The following CALD1 variants were observed in gnomAD, a reference collection of about 807,000 sequenced individuals.
The protein encoded by CALD1 is caldesmon.
CALD1 carries 33 observed loss-of-function variants against 99.9 expected under a neutral mutation model. The observed-to-expected ratio is 0.33, with a 90% CI of 0.25 to 0.44. The LOEUF is 0.44. Among genes scored for constraint, CALD1 ranks in the 20% least tolerant of loss-of-function variants. CALD1 has a pLI of 1.00. For synonymous variants in CALD1, 310 were observed against 325.0 expected (o/e 0.95, Z 0.50); for missense variants, 861 against 962.1 (o/e 0.89, Z 1.39).
chr7:134,726,251 A>G, the CALD1 span, among the ~76,000 whole-genome samples: 1 of 150,540 alleles, frequency 6.6e-6, no homozygotes, highest in African/African-American at 2.4e-5. Context: ...TGATTCAGAA[A>G]AGACTCAGAT....
chr7:134,945,115 A>G (rs1311928665), intron 7 of CALD1, among the ~76,000 whole-genome samples: 3 of 152,220 alleles, frequency 2.0e-5, no homozygotes, highest in Non-Finnish European at 2.9e-5. Context: ...TGAAGTCTTA[A>G]TATGTTCCCA....
chr7:134,871,655 T>C (rs944945881), intron 3 of CALD1, among the ~76,000 whole-genome samples: 1 of 152,114 alleles, frequency 6.6e-6, no homozygotes, highest in Non-Finnish European at 1.5e-5. Context: ...CTGCAGACAG[T>C]GTGGGGGATG....
At chr7:134,728,407 AC>A in the CALD1 span, among the ~76,000 whole-genome samples, 1 of 152,236 alleles carries the variant, frequency 6.6e-6, no homozygotes, top group Non-Finnish European at 1.5e-5. Flanking sequence ...CTGCTTGGTT[AC>A]AGCTCAGCGT....
upstream of CALD1, among the ~76,000 whole-genome samples, chr7:134,742,423 C>T (rs1796600022): frequency 6.6e-6 from 1 of 152,216 alleles, no homozygotes; most frequent in Non-Finnish European, 1.5e-5. Context: ...CACCTTCCCT[C>T]TGTGGGATCC....
At chr7:134,715,908 T>A in the CALD1 span, among the ~76,000 whole-genome samples, 1 of 152,304 alleles carries the variant, frequency 6.6e-6, no homozygotes, top group Non-Finnish European at 1.5e-5. Context: ...GCAGTAAAAA[T>A]TTGCAAAATA....
intron 1 of CALD1, among the ~76,000 whole-genome samples, chr7:134,822,245 TTC>T (rs1373731948): frequency 2.0e-5 from 3 of 152,026 alleles, no homozygotes; most frequent in Non-Finnish European, 4.4e-5. Context: ...TTCTAGAATT[TTC>T]TGTTTCATGA....
At chr7:134,940,049 A>G (rs1367875033) in intron 6 of CALD1, among the ~76,000 whole-genome samples, 1 of 152,184 alleles carries the variant, frequency 6.6e-6, no homozygotes, top group Non-Finnish European at 1.5e-5. Context: ...AGGTCAGGAT[A>G]GAACCTCCTA....
intron 3 of CALD1, among the ~76,000 whole-genome samples, chr7:134,892,389 C>T (rs1215308038): frequency 6.6e-6 from 1 of 152,206 alleles, no homozygotes; most frequent in African/African-American, 2.4e-5. Context: ...CGTTTTCACA[C>T]TGGTGTTTAT....
chr7:134,850,444 A>G (rs1309762063), intron 2 of CALD1, among the ~76,000 whole-genome samples: 1 of 152,224 alleles, frequency 6.6e-6, no homozygotes, highest in African/African-American at 2.4e-5. Context: ...CCTTGGGCCA[A>G]TGACTCACCT....
Position 134,968,783 on chromosome 7 carries a change from T to C in CALD1, c.*438T>C. 2 of 224,064 alleles carry C rather than the reference T, an allele frequency of 8.9e-6. No homozygotes were observed. Among genetic ancestry groups the C allele is most frequent in the South Asian group, 1.4e-4 (2 of 14,380 alleles). 13.9% of individuals were successfully genotyped at this position (224,064 alleles called of 1,614,324 possible). A position where few individuals can be genotyped will look rare whatever the true frequency, so the allele number is the denominator to read the frequency against. ...CTTTATAATAAAGCATGGAAGAAATTATCTTAGTAGGCAATTGTAACACTT... is the reference window on the plus strand; with the variant it reads ...CTTTATAATAAAGCATGGAAGAAATCATCTTAGTAGGCAATTGTAACACTT... On this transcript the variant is annotated 3_prime_UTR_variant, in exon 15 of 15. Transcript: ENST00000361675.
rs1350658092 is a variant in CALD1 at position 134,902,297 on chromosome 7, G to A, written c.72-26457G>A. Among the ~76,000 whole-genome samples the A allele has an allele frequency of 2.0e-5, 3 of 152,210 alleles. No homozygotes were observed. In the East Asian group the frequency reaches 5.8e-4, roughly 29 times the overall value. On this transcript the variant is annotated intron_variant, in intron 3 of 14. Coordinates refer to ENST00000361675, the MANE Select transcript of CALD1 (RefSeq NM_033138.4). The stretch of plus-strand genomic sequence containing the variant: ...CATTCACCCCAAAGGAAACAGCCTT[G>A]CATCATAGACAGAGCCATCCCAGGT...
chr7:134,771,596 C>T (rs968195400), intron 1 of CALD1, among the ~76,000 whole-genome samples: 1 of 152,192 alleles, frequency 6.6e-6, no homozygotes. Flanking sequence ...CAATCTCGCC[C>T]CTATTCTAGA....
intron 6 of CALD1, among the ~76,000 whole-genome samples, chr7:134,940,849 A>G (rs543085703): frequency 6.6e-4 from 100 of 152,288 alleles, no homozygotes; most frequent in African/African-American, 2.4e-3. Context: ...GAAAATAAAA[A>G]CCTCAGTGAG....
At chr7:134,750,679 C>A (rs770444796) in intron 1 of CALD1, among the ~76,000 whole-genome samples, 1 of 152,136 alleles carries the variant, frequency 6.6e-6, no homozygotes, top group Non-Finnish European at 1.5e-5. Context: ...CTAGCACATA[C>A]CCAATATTTG....
intron 1 of CALD1, among the ~76,000 whole-genome samples, chr7:134,828,513 T>C (rs1586047264): frequency 1.3e-5 from 2 of 152,178 alleles, no homozygotes; most frequent in Non-Finnish European, 1.5e-5. Flanking sequence ...GCATCATCTG[T>C]TCCATAATTG....
At chr7:134,848,487 A>C (rs998906749) in intron 2 of CALD1, among the ~76,000 whole-genome samples, 1 of 152,212 alleles carries the variant, frequency 6.6e-6, no homozygotes, top group Non-Finnish European at 1.5e-5. Flanking sequence ...GCAGTGAAGA[A>C]GGCCAATGTT....
chr7:134,832,275 C>CAGGA (rs1799261921), intron 1 of CALD1, among the ~76,000 whole-genome samples: 2 of 152,300 alleles, frequency 1.3e-5, no homozygotes, highest in East Asian at 3.9e-4. Context: ...TATGGACCAT[C>CAGGA]AGGAGATTGT....
intron 1 of CALD1, among the ~76,000 whole-genome samples, chr7:134,792,609 C>T (rs1013902276): frequency 2.1e-5 from 3 of 146,052 alleles, no homozygotes; most frequent in African/African-American, 4.9e-5. Flanking sequence ...CTTATAAAGA[C>T]ACCAGTTGTA....
chr7:134,924,199 C>G lies in CALD1; in HGVS notation c.72-4555C>G, dbSNP rs531105760. Among the ~76,000 whole-genome samples the G allele has an allele frequency of 1.4e-4, 21 of 152,144 alleles. No homozygotes were observed. The East Asian group carries it at 3.7e-3, about 27-fold the overall frequency. On this transcript the variant is annotated intron_variant, in intron 3 of 14. Coordinates refer to ENST00000361675, the MANE Select transcript of CALD1 (RefSeq NM_033138.4). ...AAAAACAAAAATGTCTGTGCATGCA[C>G]AGGAAAATGGTAGAATATATCACAT...
Sources: gnomAD v4.1 joint callset for allele counts (sites outside exome capture counted in the v4.1 genomes callset) on GRCh38, gnomAD v4.1.1 for gene constraint, MANE v1.5 for transcripts, NCBI Gene and HGNC (gene_info 2026-07-23, HGNC 2026-07-21) for gene names.